ZNF14: variants seen among roughly 807,000 people sequenced by gnomAD.
ZNF14 encodes zinc finger protein 14.
Under a neutral mutation model 11.3 loss-of-function variants are expected in ZNF14, and 9 were observed. The observed-to-expected ratio is 0.80, with a 90% CI of 0.48 to 1.39. The LOEUF is 1.39. ZNF14 is among the 40% of genes most tolerant of loss of function. The pLI, the probability that ZNF14 is intolerant of heterozygous loss-of-function variation, is 0.00. For synonymous variants in ZNF14, 239 were observed against 245.7 expected, an observed-to-expected ratio of 0.97 and a Z score of 0.25; for missense variants, 711 against 763.9, an observed-to-expected ratio of 0.93 and a Z score of 0.82.
rs550809235 is a variant in ZNF14, at chr19:19,712,705, A to G, written c.576T>C (p.Ala192=). 1.4e-5 allele frequency: 22 copies of G among 1,613,440 alleles called. No individual in the cohort carries two copies. The highest frequency in any genetic ancestry group is 1.7e-5 in the Non-Finnish European group (20 of 1,179,854). Residue 192 remains alanine (A), a synonymous_variant, in exon 4 of 4, where the codon GCT becomes GCC. Coordinates refer to ENST00000344099, the MANE Select transcript of ZNF14 (RefSeq NM_021030.3). The stretch of plus-strand genomic sequence containing the variant: ...GCTTACATTCATAGGGTTTCTGTCC[A>G]GCATGAGTCCTTTCATGTCTTTGAA... ...QPFQRHERTH[A]GQKPYECKQC... is the part of the protein sequence containing the mutation.
chr19:19,717,715 T>C lies in ZNF14; in HGVS notation c.4-3228A>G, dbSNP rs537030038. ...ACACAAAGACTAAGTATCTTTCTTA[T>C]CATATCACAAAACATCACAGCTCGG... On this transcript the variant is annotated intron_variant, in intron 1 of 3. Transcript: ENST00000344099. Among the ~76,000 whole-genome samples, 29 of 152,258 alleles carry C rather than the reference T, an allele frequency of 1.9e-4. No individual in the cohort carries two copies. The South Asian group carries it at 2.9e-3, about 15-fold the overall frequency.
chr19:19,726,787 G>C (rs933337204), intron 1 of ZNF14, among the ~76,000 whole-genome samples: 1 of 132,838 alleles, frequency 7.5e-6, no homozygotes, highest in African/African-American at 2.8e-5. Context: ...CAGCAATGAC[G>C]GACGCCCCTT....
intron 3 of ZNF14, among the ~76,000 whole-genome samples, chr19:19,713,666 C>A (rs1334500555): frequency 1.3e-5 from 2 of 151,490 alleles, no homozygotes; most frequent in African/African-American, 2.4e-5. Context: ...CCAGGCTGGT[C>A]TTGAACTCCT....
At chr19:19,719,834 A>C (rs866333823) in intron 1 of ZNF14, among the ~76,000 whole-genome samples, 2 of 152,240 alleles carry the variant, frequency 1.3e-5, no homozygotes, top group Non-Finnish European at 2.9e-5. Flanking sequence ...CGGTGTTGAA[A>C]AGAAACACAT....
Position 19,712,579 on chromosome 19 carries a change from A to C in ZNF14, c.702T>G (p.Cys234Trp). The change falls in exon 4 of 4, where the codon TGT becomes TGG. Residue 234 changes from cysteine to tryptophan, a missense_variant. Physicochemically the swap from Cys to Trp is radical, Grantham distance 215 (BLOSUM62 -2). Transcript: ENST00000344099. ...ECKQCGKAFICYQSFQRHKRT... is the reference protein window; with the variant it reads ...ECKQCGKAFIWYQSFQRHKRT... ...TTTTGTGTCTTTGAAAAGATTGGTA[A>C]CATATAAAGGCTTTCCCACACTGTT... The C allele has an allele frequency of 6.2e-7, 1 of 1,612,740 alleles. No individual in the cohort carries two copies. The highest frequency in any genetic ancestry group is 8.5e-7 in the Non-Finnish European group (1 of 1,179,656).
intron 1 of ZNF14, among the ~76,000 whole-genome samples, chr19:19,731,018 A>C (rs1241851360): frequency 6.6e-6 from 1 of 152,210 alleles, no homozygotes; most frequent in Non-Finnish European, 1.5e-5. Flanking sequence ...CATCCAAACC[A>C]TCAGGATGTG....
At chr19:19,732,866 C>G in intron 1 of ZNF14, 90 bp downstream of exon 1, 1 of 1,566,366 alleles carries the variant, frequency 6.4e-7, no homozygotes, top group South Asian at 1.2e-5. Flanking sequence ...GTCTGCAAAC[C>G]CCGGAGTTGA....
At chr19:19,727,134 C>G (rs1343957170) in intron 1 of ZNF14, among the ~76,000 whole-genome samples, 1 of 133,412 alleles carries the variant, frequency 7.5e-6, no homozygotes, top group Non-Finnish European at 1.7e-5. Context: ...GCAGAAATCA[C>G]CCATCTTCTG....
chr19:19,712,798 T>TG lies in ZNF14; in HGVS notation c.482_483insC (p.Arg161SerfsTer10). 6.2e-7 allele frequency: 1 copy of TG among 1,614,188 alleles called. No individual in the cohort carries two copies. Among genetic ancestry groups the TG allele is most frequent in the African/African-American group, 1.3e-5 (1 of 75,072 alleles). ...CATAGGGCTTCACTCCAGTGTGAGT[T>TG]CTTTCATGTTTGCGAAAGCAGTGGT... is the stretch of plus-strand genomic sequence containing the variant. On this transcript the variant is annotated frameshift_variant, in exon 4 of 4. Coordinates refer to ENST00000344099, the MANE Select transcript of ZNF14 (RefSeq NM_021030.3). LOFTEE classifies it low-confidence loss of function (END_TRUNC).
chr19:19,715,251 A>C (rs2062374723), intron 1 of ZNF14, among the ~76,000 whole-genome samples: 1 of 152,224 alleles, frequency 6.6e-6, no homozygotes, highest in Non-Finnish European at 1.5e-5. Flanking sequence ...CAAGAACTGT[A>C]GGCTTTTCTT....
At chr19:19,717,130 C>A (rs2062380007) in intron 1 of ZNF14, among the ~76,000 whole-genome samples, 1 of 152,202 alleles carries the variant, frequency 6.6e-6, no homozygotes, top group Non-Finnish European at 1.5e-5. Context: ...ATGTCAGATG[C>A]AAGCCACACG....
At chr19:19,719,392 G>A (rs2062386222) in intron 1 of ZNF14, among the ~76,000 whole-genome samples, 1 of 152,168 alleles carries the variant, frequency 6.6e-6, no homozygotes, top group Admixed American at 6.5e-5. Context: ...AATATATTTG[G>A]TAAGTCCAGC....
chr19:19,731,835 A>C (rs1173316359), intron 1 of ZNF14, among the ~76,000 whole-genome samples: 1 of 152,214 alleles, frequency 6.6e-6, no homozygotes, highest in African/African-American at 2.4e-5. Context: ...TGGGAGGCCA[A>C]GGCGGGCAGA....
chr19:19,710,984 G>A lies in ZNF14; in HGVS notation c.*368C>T, dbSNP rs1304401796. 1.6e-5 allele frequency: 3 copies of A among 183,996 alleles called. No individual in the cohort carries two copies. Among genetic ancestry groups the A allele is most frequent in the Non-Finnish European group, 3.4e-5 (3 of 87,740 alleles). 11.4% of individuals were successfully genotyped at this position (183,996 alleles called of 1,614,324 possible). On this transcript the variant is annotated 3_prime_UTR_variant, in exon 4 of 4. Coordinates refer to ENST00000344099, the MANE Select transcript of ZNF14 (RefSeq NM_021030.3). ...GGGGTTACACCATGTTGACCACGCT[G>A]GTCTCGAATTTCTGACCTCAAATGA...
Position 19,711,800 on chromosome 19 carries a change from T to C in ZNF14, c.1481A>G (p.Glu494Gly). 6.2e-7 allele frequency: 1 copy of C among 1,613,664 alleles called. No individual in the cohort carries two copies. Reference sequence around the variant, plus strand: ...GGGTTTCTCTCCAGTGTGTGTTCTTTCATGCAGTCGAAAGGAACTGGAACG... The same window carrying C: ...GGGTTTCTCTCCAGTGTGTGTTCTTCCATGCAGTCGAAAGGAACTGGAACG... Reference protein sequence around the residue: ...FIRSSSFRLHERTHTGEKPYE... With the variant: ...FIRSSSFRLHGRTHTGEKPYE... Residue 494 changes from glutamate to glycine, a missense_variant, in exon 4 of 4, where the codon GAA becomes GGA. By Grantham distance (98) the Glu-to-Gly change is moderately conservative (BLOSUM62 -2). Transcript: ENST00000344099.
At position 19,712,572 on chromosome 19, in the gene ZNF14, A is replaced by C. The variant is rs1321279629; in HGVS notation, c.709T>G (p.Ser237Ala). 1.2e-6 allele frequency: 2 copies of C among 1,612,908 alleles called. No individual in the cohort carries two copies. Among genetic ancestry groups the C allele is most frequent in the Non-Finnish European group, 1.7e-6 (2 of 1,179,734 alleles). ...QCGKAFICYQ[S>A]FQRHKRTHTG... Reference sequence around the variant, plus strand: ...TGAGTCCTTTTGTGTCTTTGAAAAGATTGGTAACATATAAAGGCTTTCCCA... The same window carrying C: ...TGAGTCCTTTTGTGTCTTTGAAAAGCTTGGTAACATATAAAGGCTTTCCCA... The change falls in exon 4 of 4, where the codon TCT (serine) becomes GCT (alanine). Residue 237 changes from serine (S) to alanine (A), a missense_variant. Transcript: ENST00000344099.
chr19:19,732,153 T>TCTCTTGGGTAGAAACCACACAGA (rs2062425951), intron 1 of ZNF14, among the ~76,000 whole-genome samples: 1 of 152,098 alleles, frequency 6.6e-6, no homozygotes, highest in Non-Finnish European at 1.5e-5. Context: ...ATAGGCGAAA[T>TCTCTTGGGTAGAAACCACACAGA]CTCTTGGGTA....
At chr19:19,725,629 G>T (rs1030159137) in intron 1 of ZNF14, among the ~76,000 whole-genome samples, 2 of 133,998 alleles carry the variant, frequency 1.5e-5, no homozygotes, top group African/African-American at 5.5e-5. Flanking sequence ...GGCCTGCCTT[G>T]CTAGGTTGGG....
At chr19:19,727,283 TA>T (rs1355935346) in intron 1 of ZNF14, among the ~76,000 whole-genome samples, 1 of 134,106 alleles carries the variant, frequency 7.5e-6, no homozygotes, top group Non-Finnish European at 1.7e-5. Flanking sequence ...ATAATTAATA[TA>T]AAACATAGGA....
Sources: gnomAD v4.1 joint callset for allele counts (sites outside exome capture counted in the v4.1 genomes callset) on GRCh38, gnomAD v4.1.1 for gene constraint, MANE v1.5 for transcripts, NCBI Gene and HGNC (gene_info 2026-07-23, HGNC 2026-07-21) for gene names.